EYS: variants seen among roughly 807,000 people sequenced by gnomAD.
EYS encodes the protein protein eyes shut homolog.
Under a neutral mutation model 282.1 loss-of-function variants are expected in EYS, and 250 were observed. The ratio of observed to expected loss-of-function variants is 0.89; its 90% CI spans 0.80 to 0.98. The LOEUF (loss-of-function observed/expected upper bound fraction) is 0.98, where lower values mean the gene tolerates loss of function less well. EYS is among the 50% of genes least tolerant of loss of function. The pLI, the probability that EYS is intolerant of heterozygous loss-of-function variation, is 0.00. For synonymous variants in EYS, 1,355 were observed against 1,282.9 expected (o/e 1.06, Z -1.20); for missense variants, 4,016 against 3,709.0 (o/e 1.08, Z -2.15).
intron 12 of EYS, among the ~76,000 whole-genome samples, chr6:65,198,180 G>T (rs10944782): frequency 0.014 from 2,126 of 151,970 alleles, 29 homozygotes; most frequent in Non-Finnish European, 0.022. Flanking sequence ...ACACAATAAG[G>T]ATCATCAATA....
At chr6:64,468,352 A>G (rs12175736) in intron 26 of EYS, among the ~76,000 whole-genome samples, 45,680 of 152,076 alleles carry the variant, frequency 0.3, 6,919 homozygotes, top group East Asian at 0.47. Context: ...TCATAAATAC[A>G]TTTTTGGGAA....
chr6:65,138,545 A>C (rs192289761), intron 12 of EYS, among the ~76,000 whole-genome samples: 1 of 152,114 alleles, frequency 6.6e-6, no homozygotes, highest in Non-Finnish European at 1.5e-5. Context: ...ACAAACAGAA[A>C]ACTGAAAGTT....
At chr6:64,105,246 G>A (rs1036089024) in intron 31 of EYS, among the ~76,000 whole-genome samples, 2 of 151,934 alleles carry the variant, frequency 1.3e-5, no homozygotes, top group Non-Finnish European at 2.9e-5. Flanking sequence ...ATTGAACATC[G>A]CTACGTGCCA....
intron 12 of EYS, among the ~76,000 whole-genome samples, chr6:65,141,707 A>AC (rs756454917): frequency 6.6e-6 from 1 of 151,788 alleles, no homozygotes; most frequent in Non-Finnish European, 1.5e-5. Flanking sequence ...ATGAATACAA[A>AC]CATGTTAACT....
At chr6:64,572,416 G>A (rs576554719) in intron 26 of EYS, among the ~76,000 whole-genome samples, 2 of 152,250 alleles carry the variant, frequency 1.3e-5, no homozygotes, top group Admixed American at 6.5e-5. Flanking sequence ...AATCAGGCAA[G>A]AGAAAGAAAT....
chr6:64,822,543 G>C (rs947203024), intron 20 of EYS, 108 bp downstream of exon 20: 1 of 958,826 alleles, frequency 1.0e-6, no homozygotes. Context: ...CTTGTTTTAT[G>C]AAAGAGCATA....
chr6:63,911,476 CAGAA>C (rs1764248026), intron 35 of EYS, among the ~76,000 whole-genome samples: 4 of 152,186 alleles, frequency 2.6e-5, no homozygotes, highest in Non-Finnish European at 5.9e-5. Context: ...GTTCTGTATT[CAGAA>C]CTCCCACTGA....
At chr6:64,902,799 CAAG>C (rs1216773262) in intron 16 of EYS, among the ~76,000 whole-genome samples, 5 of 151,978 alleles carry the variant, frequency 3.3e-5, no homozygotes, top group Non-Finnish European at 7.4e-5. Flanking sequence ...AATGTTTGAA[CAAG>C]AAGAATTGAA....
chr6:64,568,891 T>C (rs554329584), intron 26 of EYS, among the ~76,000 whole-genome samples: 1 of 151,762 alleles, frequency 6.6e-6, no homozygotes, highest in East Asian at 1.9e-4. Context: ...CAGAGGAGAC[T>C]GAATGTGAGA....
intron 2 of EYS, among the ~76,000 whole-genome samples, chr6:65,628,574 G>A (rs6930269): frequency 0.37 from 56,116 of 151,918 alleles, 12,256 homozygotes; most frequent in Non-Finnish European, 0.49. Context: ...CACTCACCGC[G>A]AAGATCTGCA....
chr6:64,896,978 C>T (rs938645946), intron 18 of EYS, among the ~76,000 whole-genome samples: 1 of 152,162 alleles, frequency 6.6e-6, no homozygotes, highest in African/African-American at 2.4e-5. Flanking sequence ...AGATAAAACT[C>T]CCATCTCCCT....
At chr6:64,467,398 C>G (rs565968439) in intron 26 of EYS, among the ~76,000 whole-genome samples, 2 of 152,062 alleles carry the variant, frequency 1.3e-5, no homozygotes, top group African/African-American at 2.4e-5. Flanking sequence ...TTTTTTTACC[C>G]TCTATGATCT....
intron 2 of EYS, among the ~76,000 whole-genome samples, chr6:65,607,777 C>A (rs1765852404): frequency 6.6e-6 from 1 of 151,750 alleles, no homozygotes; most frequent in Non-Finnish European, 1.5e-5. Context: ...AGAATTTTCT[C>A]CTTTCAGAAT....
chr6:64,155,387 A>G (rs1774882833), intron 31 of EYS, among the ~76,000 whole-genome samples: 2 of 151,428 alleles, frequency 1.3e-5, no homozygotes, highest in Admixed American at 6.6e-5. Flanking sequence ...GTGACTGATT[A>G]AAGAGTGAAC....
chr6:64,422,630 A>G (rs1445064785), intron 28 of EYS, among the ~76,000 whole-genome samples: 1 of 152,174 alleles, frequency 6.6e-6, no homozygotes, highest in South Asian at 2.1e-4. Context: ...TTTTTATTAG[A>G]AGAGTCTCAG....
In EYS at chr6:65,382,421, T is replaced by C. The variant is rs115636944; in HGVS notation, c.1299+1965A>G. Among the ~76,000 whole-genome samples the C allele has an allele frequency of 3.2e-3, 448 of 140,996 alleles. 3 individuals are homozygous for C. Among genetic ancestry groups the C allele is most frequent in the Admixed American group, 6.1e-3 (84 of 13,690 alleles). 92.5% of individuals were successfully genotyped at this position (140,996 alleles called of 152,430 possible). A position where few individuals can be genotyped will look rare whatever the true frequency, so the allele number is the denominator to read the frequency against. On this transcript the variant is annotated intron_variant, in intron 8 of 42. Transcript: ENST00000503581. The stretch of plus-strand genomic sequence containing the variant: ...TGTTTCTGAGGGAATTCAACAGAAA[T>C]TTCCCCGTGGATCTATCTTTGAAGT...
intron 10 of EYS, 118 bp downstream of exon 10, chr6:65,343,920 C>A (rs1362013401): frequency 3.4e-6 from 3 of 869,640 alleles, no homozygotes; most frequent in Middle Eastern, 3.5e-4. Flanking sequence ...TTAAACTATG[C>A]AAACTATATA....
chr6:65,190,909 C>T (rs563038751), intron 12 of EYS, among the ~76,000 whole-genome samples: 49 of 151,806 alleles, frequency 3.2e-4, no homozygotes, highest in African/African-American at 1.2e-3. Context: ...AGGAACTTTC[C>T]TATGTACTCT....
At chr6:64,515,842 A>G (rs1212990657) in intron 26 of EYS, among the ~76,000 whole-genome samples, 1 of 151,760 alleles carries the variant, frequency 6.6e-6, no homozygotes, top group Non-Finnish European at 1.5e-5. Context: ...CTTTATGGCA[A>G]TACCCAAATA....
Sources: allele counts gnomAD v4.1 joint callset (sites outside exome capture counted in the v4.1 genomes callset), GRCh38; gene constraint gnomAD v4.1.1; transcripts MANE v1.5; gene names NCBI Gene and HGNC (gene_info 2026-07-23, HGNC 2026-07-21).